The following ARK2C variants were observed in gnomAD, a reference collection of about 807,000 sequenced individuals.
The protein encoded by ARK2C is E3 ubiquitin-protein ligase ARK2C.
chr18:46,424,373 G>C, the ARK2C span, among the ~76,000 whole-genome samples: 2 of 152,312 alleles, frequency 1.3e-5, no homozygotes, highest in African/African-American at 4.8e-5. Context: ...GGGGATTTGG[G>C]CAGGGAATGG....
At chr18:46,383,555 T>G in the ARK2C span, among the ~76,000 whole-genome samples, 2 of 143,170 alleles carry the variant, frequency 1.4e-5, no homozygotes, top group African/African-American at 5.3e-5. Flanking sequence ...TCTCTGTTTT[T>G]TTTTTTTTTT....
At chr18:46,461,985 A>G in the ARK2C span, 2 of 152,216 alleles carry the variant, frequency 1.3e-5, no homozygotes, top group East Asian at 3.9e-4. Context: ...ATCATCACCC[A>G]GAGTCTTCAT....
At chr18:46,360,804 G>A in the ARK2C span, among the ~76,000 whole-genome samples, 3 of 152,218 alleles carry the variant, frequency 2.0e-5, no homozygotes, top group African/African-American at 2.4e-5. Context: ...GGTAGCACCA[G>A]GCAGGGTCAC....
the ARK2C span, among the ~76,000 whole-genome samples, chr18:46,374,841 A>G: frequency 7.9e-5 from 12 of 152,308 alleles, no homozygotes; most frequent in African/African-American, 2.9e-4. Flanking sequence ...AAGTGCCTGC[A>G]TGCCTGGAGA....
At chr18:46,370,823 C>T in the ARK2C span, among the ~76,000 whole-genome samples, 2 of 152,116 alleles carry the variant, frequency 1.3e-5, no homozygotes, top group Non-Finnish European at 2.9e-5. Context: ...CAAGATCCTA[C>T]AAGCTGTTGG....
the ARK2C span, among the ~76,000 whole-genome samples, chr18:46,446,157 C>G: frequency 1.3e-5 from 2 of 152,238 alleles, no homozygotes; most frequent in South Asian, 4.1e-4. Flanking sequence ...GTTGTTGCTT[C>G]TTTTGTGATG....
chr18:46,380,117 G>A, the ARK2C span, among the ~76,000 whole-genome samples: 1 of 152,238 alleles, frequency 6.6e-6, no homozygotes, highest in Admixed American at 6.5e-5. Context: ...TGGAGTGCAG[G>A]GGCCTCGAAC....
chr18:46,446,655 A>G, the ARK2C span, among the ~76,000 whole-genome samples: 1 of 134,666 alleles, frequency 7.4e-6, no homozygotes, highest in African/African-American at 2.8e-5. Flanking sequence ...TGTGTGACAG[A>G]GCGAGACTCC....
At chr18:46,396,383 C>T in the ARK2C span, among the ~76,000 whole-genome samples, 4 of 152,068 alleles carry the variant, frequency 2.6e-5, no homozygotes, top group African/African-American at 4.8e-5. Context: ...AGAAGTGAAG[C>T]GTTAGTGGGT....
the ARK2C span, among the ~76,000 whole-genome samples, chr18:46,445,902 C>CTT: frequency 2.0e-5 from 3 of 149,024 alleles, no homozygotes; most frequent in African/African-American, 7.4e-5. Flanking sequence ...TCTCCATATC[C>CTT]TTTTTTTTTT....
chr18:46,371,538 G>A, the ARK2C span, among the ~76,000 whole-genome samples: 1 of 152,212 alleles, frequency 6.6e-6, no homozygotes, highest in Non-Finnish European at 1.5e-5. Context: ...GACCAAAAGA[G>A]GATTTTGAGC....
At chr18:46,410,360 A>G in the ARK2C span, among the ~76,000 whole-genome samples, 134 of 152,296 alleles carry the variant, frequency 8.8e-4, no homozygotes, top group East Asian at 9.6e-4. Flanking sequence ...GCCTGCAACT[A>G]TCATCATTCC....
chr18:46,336,324 A>G, the ARK2C span: 1 of 985,376 alleles, frequency 1.0e-6, no homozygotes. Context: ...TTGAAATTCA[A>G]ATTGCTCAGC....
the ARK2C span, among the ~76,000 whole-genome samples, chr18:46,415,203 C>A: frequency 1.3e-5 from 2 of 152,152 alleles, 1 homozygote; most frequent in South Asian, 4.1e-4. Flanking sequence ...ACGTGAGCCC[C>A]AAGGCAGTGA....
the ARK2C span, among the ~76,000 whole-genome samples, chr18:46,398,663 G>A: frequency 2.0e-5 from 3 of 152,044 alleles, no homozygotes; most frequent in East Asian, 1.9e-4. Context: ...AGGGGTCCAC[G>A]CTGCTGAACT....
At chr18:46,352,367 A>T in the ARK2C span, among the ~76,000 whole-genome samples, 2 of 152,134 alleles carry the variant, frequency 1.3e-5, no homozygotes, top group African/African-American at 4.8e-5. Flanking sequence ...TCCCAAGCTT[A>T]TTTCATGTGG....
chr18:46,375,332 CA>C, the ARK2C span, among the ~76,000 whole-genome samples: 1 of 152,154 alleles, frequency 6.6e-6, no homozygotes, highest in South Asian at 2.1e-4. Flanking sequence ...GTGGGTGGGT[CA>C]CTTGAGCCCA....
At chr18:46,366,364 C>A in the ARK2C span, among the ~76,000 whole-genome samples, 1 of 150,408 alleles carries the variant, frequency 6.6e-6, no homozygotes. Flanking sequence ...AGCCCTCTGG[C>A]AGATTAGGGA....
At chr18:46,401,126 G>A in the ARK2C span, among the ~76,000 whole-genome samples, 1 of 152,120 alleles carries the variant, frequency 6.6e-6, no homozygotes, top group Non-Finnish European at 1.5e-5. Flanking sequence ...GAGGAGGTGA[G>A]GGCACAGGAA....
Sources: gnomAD v4.1 joint callset for allele counts (sites outside exome capture counted in the v4.1 genomes callset) on GRCh38, gnomAD v4.1.1 for gene constraint, MANE v1.5 for transcripts, NCBI Gene and HGNC (gene_info 2026-07-23, HGNC 2026-07-21) for gene names.